The following SIL1 variants were observed in gnomAD, a reference collection of about 807,000 sequenced individuals.
The protein encoded by SIL1 is nucleotide exchange factor SIL1.
Under a neutral mutation model 49.1 loss-of-function variants are expected in SIL1, and 40 were observed. The ratio of observed to expected loss-of-function variants is 0.81; its 90% CI spans 0.63 to 1.06. The LOEUF (loss-of-function observed/expected upper bound fraction) is 1.06, where lower values mean the gene tolerates loss of function less well. Ranked by LOEUF, SIL1 falls within the 50% of genes least tolerant of loss-of-function variation. The probability of loss-of-function intolerance (pLI) is 0.00; values close to 1 mark genes in which losing one functional copy is unlikely to be tolerated. For missense variants in SIL1, 500 were observed against 572.6 expected (o/e 0.87, Z 1.29); for synonymous variants, 253 against 250.8 (o/e 1.01, Z -0.08).
At chr5:138,952,519 G>A (rs1264294430) in intron 7 of SIL1, among the ~76,000 whole-genome samples, 1 of 152,238 alleles carries the variant, frequency 6.6e-6, no homozygotes, top group African/African-American at 2.4e-5. Flanking sequence ...AGCAGCTACT[G>A]TCAGCTTCTC....
At chr5:138,978,798 CT>C (rs1227383611) in intron 7 of SIL1, among the ~76,000 whole-genome samples, 1 of 152,202 alleles carries the variant, frequency 6.6e-6, no homozygotes, top group East Asian at 1.9e-4. Context: ...CCTGTACTTA[CT>C]GCACATTTGC....
intron 2 of SIL1, among the ~76,000 whole-genome samples, chr5:139,127,482 G>C (rs1750775974): frequency 6.7e-6 from 1 of 150,124 alleles, no homozygotes; most frequent in African/African-American, 2.5e-5. Flanking sequence ...TTGGTAAATG[G>C]AAGATTATAA....
chr5:139,032,519 A>T (rs1768815203), intron 5 of SIL1, among the ~76,000 whole-genome samples: 2 of 152,162 alleles, frequency 1.3e-5, no homozygotes, highest in Non-Finnish European at 2.9e-5. Context: ...GAATGTTGCT[A>T]TGTAGTTTAT....
At chr5:139,028,787 C>A (rs1195485736) in intron 5 of SIL1, among the ~76,000 whole-genome samples, 2 of 152,188 alleles carry the variant, frequency 1.3e-5, no homozygotes, top group East Asian at 1.9e-4. Context: ...GTATGTGTAT[C>A]ATTCTATGTA....
At chr5:138,983,107 G>T (rs776414949) in intron 7 of SIL1, among the ~76,000 whole-genome samples, 2 of 144,614 alleles carry the variant, frequency 1.4e-5, no homozygotes, top group African/African-American at 5.1e-5. Flanking sequence ...GCTGAGGCAC[G>T]AGAATCACTT....
Position 139,107,820 on chromosome 5 carries a change from T to G in SIL1, c.244+13215A>C, listed in dbSNP as rs189578062. Among the ~76,000 whole-genome samples, 495 of 152,330 alleles carry G rather than the reference T, an allele frequency of 3.2e-3. 1 individual carries two copies. The highest frequency in any genetic ancestry group is 0.011 in the African/African-American group (451 of 41,566). The stretch of plus-strand genomic sequence containing the variant: ...ATGCACCTGGCATCACAGTAAACAT[T>G]TCATGTTTACCTTATTTACTATTTA... On this transcript the variant is annotated intron_variant, in intron 3 of 9. Coordinates refer to ENST00000394817, the MANE Select transcript of SIL1 (RefSeq NM_022464.5).
intron 7 of SIL1, among the ~76,000 whole-genome samples, chr5:138,952,622 T>C (rs966449914): frequency 7.2e-5 from 11 of 152,212 alleles, no homozygotes; most frequent in African/African-American, 2.7e-4. Context: ...AACGAACGAA[T>C]GAACAACACG....
At chr5:139,051,270 G>T in intron 3 of SIL1, 1 of 568,898 alleles carries the variant, frequency 1.8e-6, no homozygotes, top group Non-Finnish European at 3.2e-6. Flanking sequence ...CGTAAGATGG[G>T]CAAGAGGATT....
intron 5 of SIL1, among the ~76,000 whole-genome samples, chr5:139,027,727 C>A (rs1451269044): frequency 3.9e-5 from 6 of 152,052 alleles, no homozygotes; most frequent in Non-Finnish European, 8.8e-5. Flanking sequence ...GTTTTCTTCC[C>A]AATTTGAGAA....
intron 3 of SIL1, among the ~76,000 whole-genome samples, chr5:139,090,746 A>C (rs1390628965): frequency 6.6e-6 from 1 of 152,096 alleles, no homozygotes; most frequent in Non-Finnish European, 1.5e-5. Context: ...CTAGGACTAC[A>C]GGCACGCACC....
At chr5:139,106,199 T>C (rs1770707667) in intron 3 of SIL1, among the ~76,000 whole-genome samples, 1 of 152,194 alleles carries the variant, frequency 6.6e-6, no homozygotes, top group Non-Finnish European at 1.5e-5. Flanking sequence ...TCCCAATCCA[T>C]ACTCAAGGTC....
chr5:139,135,693 G>A (rs760787224), intron 1 of SIL1, among the ~76,000 whole-genome samples: 1 of 144,766 alleles, frequency 6.9e-6, no homozygotes, highest in African/African-American at 2.6e-5. Context: ...TTCAAGAAGG[G>A]AGCTAAACAA....
At chr5:139,137,674 TC>T (rs1751001841) in intron 1 of SIL1, among the ~76,000 whole-genome samples, 1 of 112,254 alleles carries the variant, frequency 8.9e-6, no homozygotes, top group Admixed American at 9.6e-5. Flanking sequence ...ATGCTATCCC[TC>T]CCCCCTCCCC....
chr5:139,092,877 T>G (rs1770372589), intron 3 of SIL1, among the ~76,000 whole-genome samples: 1 of 152,192 alleles, frequency 6.6e-6, no homozygotes, highest in Non-Finnish European at 1.5e-5. Flanking sequence ...GTTGGAAACT[T>G]AATCCTGAAT....
chr5:139,033,494 T>C (rs566252780), intron 5 of SIL1, among the ~76,000 whole-genome samples: 1 of 152,048 alleles, frequency 6.6e-6, no homozygotes, highest in South Asian at 2.1e-4. Context: ...TCTTCTCTAA[T>C]ATAAGCAAAT....
intron 5 of SIL1, chr5:139,035,606 C>T (rs1245141889): frequency 1.1e-5 from 4 of 353,424 alleles, no homozygotes; most frequent in Non-Finnish European, 2.2e-5. Context: ...ACAGACATGG[C>T]GCCCATTTCA....
intron 7 of SIL1, among the ~76,000 whole-genome samples, chr5:138,956,685 G>A (rs1766909463): frequency 6.6e-6 from 1 of 151,222 alleles, no homozygotes; most frequent in Non-Finnish European, 1.5e-5. Flanking sequence ...AGAGGTTTCA[G>A]TGAGCTGAGA....
intron 3 of SIL1, among the ~76,000 whole-genome samples, chr5:139,063,850 A>C (rs1414895050): frequency 6.6e-6 from 1 of 152,204 alleles, no homozygotes; most frequent in Non-Finnish European, 1.5e-5. Context: ...TTTATTGGTT[A>C]ATTGACACTC....
At chr5:138,992,495 G>A (rs936085368) in intron 7 of SIL1, among the ~76,000 whole-genome samples, 4 of 152,140 alleles carry the variant, frequency 2.6e-5, no homozygotes, top group South Asian at 4.1e-4. Context: ...CCCCTAGCAG[G>A]CTCCTTTTCC....
Sources: allele counts gnomAD v4.1 joint callset (sites outside exome capture counted in the v4.1 genomes callset), GRCh38; gene constraint gnomAD v4.1.1; transcripts MANE v1.5; gene names NCBI Gene and HGNC (gene_info 2026-07-23, HGNC 2026-07-21).